CLVS1: variants seen among roughly 807,000 people sequenced by gnomAD.
The protein encoded by CLVS1 is clavesin-1.
CLVS1 carries 10 observed loss-of-function variants against 33.1 expected under a neutral mutation model. The observed-to-expected ratio is 0.30, with a 90% CI of 0.19 to 0.51. The LOEUF is 0.51. Among genes scored for constraint, CLVS1 ranks in the 20% least tolerant of loss-of-function variants. The pLI, the probability that CLVS1 is intolerant of heterozygous loss-of-function variation, is 0.97. For synonymous variants in CLVS1, 163 were observed against 166.1 expected, an observed-to-expected ratio of 0.98 and a Z score of 0.14; for missense variants, 343 against 433.4, an observed-to-expected ratio of 0.79 and a Z score of 1.85.
intron 1 of CLVS1, among the ~76,000 whole-genome samples, chr8:61,121,843 G>T (rs188619474): frequency 5.3e-5 from 8 of 152,152 alleles, no homozygotes; most frequent in African/African-American, 1.9e-4. Flanking sequence ...AGAAATTCTC[G>T]AAAGAGTCCT....
At chr8:60,972,654 C>T in the CLVS1 span, among the ~76,000 whole-genome samples, 1 of 152,080 alleles carries the variant, frequency 6.6e-6, no homozygotes, top group Non-Finnish European at 1.5e-5. Context: ...GATGGCCCTA[C>T]CTGGACCAGC....
intron 2 of CLVS1, among the ~76,000 whole-genome samples, chr8:61,253,241 A>C (rs1808990826): frequency 6.6e-6 from 1 of 152,118 alleles, no homozygotes; most frequent in African/African-American, 2.4e-5. Context: ...GAATGTTGAG[A>C]ATTGGCCCCC....
chr8:61,405,935 A>G (rs902197572), intron 3 of CLVS1, among the ~76,000 whole-genome samples: 6 of 152,228 alleles, frequency 3.9e-5, no homozygotes, highest in Non-Finnish European at 5.9e-5. Flanking sequence ...TGACTGCTAT[A>G]TAGAAATTTC....
chr8:61,071,081 T>C (rs535102966), intron 1 of CLVS1, among the ~76,000 whole-genome samples: 1 of 152,184 alleles, frequency 6.6e-6, no homozygotes, highest in South Asian at 2.1e-4. Flanking sequence ...CCCAGTTCTA[T>C]GCAGTGGAAG....
intron 1 of CLVS1, among the ~76,000 whole-genome samples, chr8:61,113,266 A>G (rs1805661374): frequency 6.6e-6 from 1 of 152,202 alleles, no homozygotes; most frequent in Non-Finnish European, 1.5e-5. Context: ...TGAGAACAGC[A>G]GCGCAAAAAT....
intron 2 of CLVS1, among the ~76,000 whole-genome samples, chr8:61,324,278 T>C (rs1335717945): frequency 6.6e-6 from 1 of 152,158 alleles, no homozygotes; most frequent in East Asian, 1.9e-4. Context: ...TCCCCTATAC[T>C]TTTCTCATGG....
intron 2 of CLVS1, among the ~76,000 whole-genome samples, chr8:61,180,113 A>G (rs1807200625): frequency 6.6e-6 from 1 of 152,156 alleles, no homozygotes; most frequent in African/African-American, 2.4e-5. Context: ...AAAGAAGAAG[A>G]GAGAGAAGAA....
intron 2 of CLVS1, among the ~76,000 whole-genome samples, chr8:61,146,748 A>G (rs1297575292): frequency 6.6e-6 from 1 of 152,142 alleles, no homozygotes; most frequent in Non-Finnish European, 1.5e-5. Flanking sequence ...GTCCCCAGCC[A>G]TGCTGGCTGA....
chr8:61,134,326 T>G (rs1462014831), intron 2 of CLVS1, among the ~76,000 whole-genome samples: 1 of 152,244 alleles, frequency 6.6e-6, no homozygotes, highest in African/African-American at 2.4e-5. Context: ...CTGGCCTTGC[T>G]GAGTGTGGCT....
At chr8:61,048,255 T>C in the CLVS1 span, among the ~76,000 whole-genome samples, 1 of 152,026 alleles carries the variant, frequency 6.6e-6, no homozygotes, top group African/African-American at 2.4e-5. Flanking sequence ...AGGGAATCTA[T>C]AATGTGTGGC....
At chr8:61,241,986 C>G (rs1808706229) in intron 2 of CLVS1, among the ~76,000 whole-genome samples, 1 of 151,586 alleles carries the variant, frequency 6.6e-6, no homozygotes, top group South Asian at 2.1e-4. Flanking sequence ...TCTCTGTGGT[C>G]TCTATTTTTT....
At chr8:60,986,264 C>T in the CLVS1 span, among the ~76,000 whole-genome samples, 1 of 152,206 alleles carries the variant, frequency 6.6e-6, no homozygotes, top group African/African-American at 2.4e-5. Flanking sequence ...GCCACAAGCC[C>T]ATTTTCTCTA....
chr8:61,311,414 C>T (rs1034385168), intron 2 of CLVS1, among the ~76,000 whole-genome samples: 6 of 152,212 alleles, frequency 3.9e-5, no homozygotes, highest in Non-Finnish European at 7.3e-5. Flanking sequence ...CCACCATCAA[C>T]GTGCCCTTAC....
At chr8:61,487,155 AG>A in intron 5 of CLVS1, among the ~76,000 whole-genome samples, 1 of 152,264 alleles carries the variant, frequency 6.6e-6, no homozygotes, top group East Asian at 1.9e-4. Flanking sequence ...GCCCCTGCTG[AG>A]GGCCCAGGGA....
At chr8:61,443,936 A>G (rs1294541101) in intron 3 of CLVS1, among the ~76,000 whole-genome samples, 2 of 152,260 alleles carry the variant, frequency 1.3e-5, no homozygotes, top group Non-Finnish European at 2.9e-5. Context: ...TTCAGCATAC[A>G]AATTCTAAAT....
chr8:61,321,795 G>A (rs1227700008), intron 2 of CLVS1, among the ~76,000 whole-genome samples: 1 of 151,956 alleles, frequency 6.6e-6, no homozygotes, highest in African/African-American at 2.4e-5. Flanking sequence ...TTTCTTATAA[G>A]AAATCTACTT....
intron 2 of CLVS1, among the ~76,000 whole-genome samples, chr8:61,366,294 A>T (rs754742597): frequency 6.6e-6 from 1 of 152,156 alleles, no homozygotes. Flanking sequence ...TAAGAGTCTC[A>T]TGGTATACAA....
At chr8:61,208,416 G>A (rs992779273) in intron 2 of CLVS1, among the ~76,000 whole-genome samples, 2 of 152,180 alleles carry the variant, frequency 1.3e-5, no homozygotes, top group African/African-American at 4.8e-5. Flanking sequence ...CCTGGCAAGA[G>A]CTGCAATAGT....
At chr8:61,167,404 A>T (rs1327866067) in intron 2 of CLVS1, among the ~76,000 whole-genome samples, 1 of 151,870 alleles carries the variant, frequency 6.6e-6, no homozygotes, top group East Asian at 1.9e-4. Context: ...CTGGTCTCGA[A>T]ATCCTAACTT....
Sources: gnomAD v4.1 joint callset for allele counts (sites outside exome capture counted in the v4.1 genomes callset) on GRCh38, gnomAD v4.1.1 for gene constraint, MANE v1.5 for transcripts, NCBI Gene and HGNC (gene_info 2026-07-23, HGNC 2026-07-21) for gene names.